BMAL1: variants seen among roughly 807,000 people sequenced by gnomAD.
BMAL1 encodes the protein basic helix-loop-helix ARNT like 1.
chr11:13,325,314 C>G, the BMAL1 span, among the ~76,000 whole-genome samples: 1 of 152,186 alleles, frequency 6.6e-6, no homozygotes, highest in African/African-American at 2.4e-5. Flanking sequence ...GAGTGGGAGT[C>G]TTCTTCATGC....
chr11:13,367,706 GAAAA>G, the BMAL1 span, among the ~76,000 whole-genome samples: 15 of 86,196 alleles, frequency 1.7e-4, no homozygotes, highest in African/African-American at 6.8e-4. Flanking sequence ...CTCTGTCTCA[GAAAA>G]AAAAAAAAAA....
chr11:13,306,907 C>A, the BMAL1 span, among the ~76,000 whole-genome samples: 1 of 152,246 alleles, frequency 6.6e-6, no homozygotes, highest in Admixed American at 6.5e-5. Context: ...ACAGGCTGCC[C>A]TGCCTGAGGG....
the BMAL1 span, chr11:13,381,270 C>G: frequency 6.2e-7 from 1 of 1,612,122 alleles, no homozygotes; most frequent in Non-Finnish European, 8.5e-7. Context: ...ACTGATGATT[C>G]TTAGCCTAAG....
the BMAL1 span, among the ~76,000 whole-genome samples, chr11:13,298,494 T>C: frequency 6.6e-6 from 1 of 152,254 alleles, no homozygotes; most frequent in African/African-American, 2.4e-5. Context: ...TAATATATTA[T>C]ACGTTTTCCT....
At chr11:13,284,216 ATATATATATATGTG>A in the BMAL1 span, among the ~76,000 whole-genome samples, 1 of 16,892 alleles carries the variant, frequency 5.9e-5, no homozygotes, top group South Asian at 5.6e-3. Context: ...ATATGTGTAT[ATATATATATATGTG>A]TGTGTATATA....
the BMAL1 span, among the ~76,000 whole-genome samples, chr11:13,357,606 CG>C: frequency 6.6e-6 from 1 of 152,176 alleles, no homozygotes; most frequent in Non-Finnish European, 1.5e-5. The surrounding 1 kb of genome is among the most constrained non-coding windows in gnomAD (Gnocchi z 4.8). Flanking sequence ...GTTCTTCTGC[CG>C]TTAGTACCAG....
At chr11:13,322,778 C>CTT in the BMAL1 span, among the ~76,000 whole-genome samples, 957 of 50,352 alleles carry the variant, frequency 0.019, 226 homozygotes, top group African/African-American at 0.06. Flanking sequence ...GTGAGCAAGT[C>CTT]TTTTTTTTTT....
the BMAL1 span, among the ~76,000 whole-genome samples, chr11:13,283,157 A>T: frequency 6.6e-6 from 1 of 152,176 alleles, no homozygotes; most frequent in East Asian, 1.9e-4. Flanking sequence ...CTAATTCTTT[A>T]TCTAGCCTGG....
At chr11:13,373,666 C>G in the BMAL1 span, among the ~76,000 whole-genome samples, 1 of 152,088 alleles carries the variant, frequency 6.6e-6, no homozygotes, top group Non-Finnish European at 1.5e-5. Flanking sequence ...GCCACCATAC[C>G]CAGCTCATTG....
chr11:13,307,001 A>G, the BMAL1 span, among the ~76,000 whole-genome samples: 1 of 152,156 alleles, frequency 6.6e-6, no homozygotes, highest in Non-Finnish European at 1.5e-5. Context: ...GTTTAAGGGA[A>G]AGGCTCTGAT....
At chr11:13,314,738 T>C in the BMAL1 span, among the ~76,000 whole-genome samples, 2 of 152,148 alleles carry the variant, frequency 1.3e-5, no homozygotes, top group African/African-American at 4.8e-5. Context: ...ACAGCCTTTT[T>C]CCCCCTTAAT....
the BMAL1 span, chr11:13,386,536 A>G: frequency 6.9e-7 from 1 of 1,443,018 alleles, no homozygotes; most frequent in Non-Finnish European, 9.3e-7. Flanking sequence ...GGAATTGCTT[A>G]CTTAATCTGA....
At chr11:13,370,191 C>G in the BMAL1 span, among the ~76,000 whole-genome samples, 2 of 152,146 alleles carry the variant, frequency 1.3e-5, no homozygotes, top group African/African-American at 4.8e-5. Flanking sequence ...CCACATTCTT[C>G]TTCCTCCTCC....
At chr11:13,325,657 T>TTGTGCG in the BMAL1 span, among the ~76,000 whole-genome samples, 1 of 134,348 alleles carries the variant, frequency 7.4e-6, no homozygotes, top group Admixed American at 7.4e-5. Context: ...TTGAGACCTT[T>TTGTGCG]TGTGTGTGTG....
At chr11:13,337,458 A>T in the BMAL1 span, among the ~76,000 whole-genome samples, 3 of 152,224 alleles carry the variant, frequency 2.0e-5, no homozygotes, top group Admixed American at 6.5e-5. Flanking sequence ...GCCAGTGCAT[A>T]TCTATTAAAA....
At chr11:13,364,357 G>A in the BMAL1 span, among the ~76,000 whole-genome samples, 3 of 152,084 alleles carry the variant, frequency 2.0e-5, no homozygotes, top group Non-Finnish European at 2.9e-5. Context: ...CATTTCTTCT[G>A]TCCCAGCACA....
At chr11:13,292,718 G>A in the BMAL1 span, among the ~76,000 whole-genome samples, 1 of 152,122 alleles carries the variant, frequency 6.6e-6, no homozygotes, top group Non-Finnish European at 1.5e-5. Flanking sequence ...CCAGGTAGAA[G>A]TTTTCTCTCT....
At chr11:13,364,365 A>G in the BMAL1 span, among the ~76,000 whole-genome samples, 5 of 152,218 alleles carry the variant, frequency 3.3e-5, no homozygotes, top group African/African-American at 4.8e-5. Flanking sequence ...CTGTCCCAGC[A>G]CAAGTACATG....
At chr11:13,329,196 A>G in the BMAL1 span, among the ~76,000 whole-genome samples, 2 of 152,272 alleles carry the variant, frequency 1.3e-5, no homozygotes, top group East Asian at 3.9e-4. Flanking sequence ...GAGTCACAGG[A>G]AGGACCCCTT....
Sources: allele counts gnomAD v4.1 joint callset (sites outside exome capture counted in the v4.1 genomes callset), GRCh38; gene constraint gnomAD v4.1.1; non-coding constraint Gnocchi (gnomAD v3.1); transcripts MANE v1.5; gene names NCBI Gene and HGNC (gene_info 2026-07-23, HGNC 2026-07-21).